The following ARHGEF28 variants were observed in gnomAD, a reference collection of about 807,000 sequenced individuals.
ARHGEF28 encodes 190 kDa guanine nucleotide exchange factor.
ARHGEF28 carries 152 observed loss-of-function variants against 206.6 expected under a neutral mutation model. The ratio of observed to expected loss-of-function variants is 0.74; its 90% confidence interval spans 0.64 to 0.84. The LOEUF (loss-of-function observed/expected upper bound fraction) is 0.84. Among genes scored for constraint, ARHGEF28 ranks in the 40% least tolerant of loss-of-function variants. The probability of loss-of-function intolerance (pLI) is 0.00; values close to 1 mark genes in which losing one functional copy is unlikely to be tolerated. For missense variants in ARHGEF28, 2,028 were observed against 2,073.2 expected, an observed-to-expected ratio of 0.98 and a Z score of 0.42; for synonymous variants, 763 against 776.4, an observed-to-expected ratio of 0.98 and a Z score of 0.29.
At chr5:73,688,820 A>AT (rs753116548) in intron 2 of ARHGEF28, among the ~76,000 whole-genome samples, 4 of 151,954 alleles carry the variant, frequency 2.6e-5, no homozygotes, top group African/African-American at 4.8e-5. Context: ...CGTTCAGCTA[A>AT]TTTTTTTGTA....
At position 73,846,307 on chromosome 5, in the gene ARHGEF28, A is replaced by T; in HGVS notation, c.1467A>T (p.Glu489Asp). 6.2e-7 allele frequency: 1 copy of T among 1,613,772 alleles called. No homozygotes were observed. The highest frequency in any genetic ancestry group is 8.5e-7 in the Non-Finnish European group (1 of 1,179,734). Residue 489 changes from glutamate to aspartate, a missense_variant, in exon 12 of 36, where the codon GAA becomes GAT. Around this residue, in one of 3 missense-constraint regions of ARHGEF28, gnomAD observed 1,002 missense variants for 1,015.3 expected, o/e 0.99. Coordinates refer to ENST00000513042, the MANE Select transcript of ARHGEF28 (RefSeq NM_001177693.2). ...CCTTGGACGCCGACAGTGAAGGGGA[A>T]GGGCATTCTGAGCCATCCCACATCT... is the stretch of plus-strand genomic sequence containing the variant. The part of the protein sequence containing the change: ...LDALDADSEG[E>D]GHSEPSHICY...
intron 2 of ARHGEF28, among the ~76,000 whole-genome samples, chr5:73,720,498 G>A (rs995955938): frequency 9.2e-5 from 14 of 152,122 alleles, no homozygotes. Flanking sequence ...TTGATCCAGG[G>A]ATTTCAGAGG....
At chr5:73,715,917 G>A (rs576962285) in intron 2 of ARHGEF28, among the ~76,000 whole-genome samples, 38 of 152,294 alleles carry the variant, frequency 2.5e-4, no homozygotes, top group African/African-American at 8.4e-4. Flanking sequence ...TGTGCTAATC[G>A]GAGTTCCATC....
At chr5:73,835,469 CA>C (rs35411118) in intron 10 of ARHGEF28, among the ~76,000 whole-genome samples, 1,370 of 102,512 alleles carry the variant, frequency 0.013, 17 homozygotes, top group African/African-American at 0.043. Context: ...GACTCTGTCT[CA>C]AAAAAAAAAA....
intron 27 of ARHGEF28, 70 bp from the exon 28 acceptor site, chr5:73,893,127 G>T: frequency 7.8e-7 from 1 of 1,278,338 alleles, no homozygotes; most frequent in Non-Finnish European, 1.0e-6. Context: ...AAGTTCCCAT[G>T]TTTTTCTAAT....
At chr5:73,754,251 A>G (rs1001257465) in intron 4 of ARHGEF28, among the ~76,000 whole-genome samples, 4 of 152,196 alleles carry the variant, frequency 2.6e-5, no homozygotes, top group Admixed American at 6.5e-5. Context: ...TTATAAAGCC[A>G]TAAGTCACAA....
At position 73,909,141 on chromosome 5, in the gene ARHGEF28, A is replaced by G. The variant is rs370079238; in HGVS notation, c.4162-271A>G. 8 of 321,696 alleles carry G rather than the reference A, an allele frequency of 2.5e-5. No individual in the cohort carries two copies. In the South Asian group the frequency reaches 8.3e-4, roughly 33 times the overall value. 19.9% of individuals were successfully genotyped at this position (321,696 alleles called of 1,614,324 possible). ...ACTATCACCCAACCACCAGCAGCAA[A>G]CTACCTTCCCACAGGAGAGGATGAT... On this transcript the variant is annotated intron_variant, in intron 33 of 35. Coordinates refer to ENST00000513042, the MANE Select transcript of ARHGEF28 (RefSeq NM_001177693.2).
chr5:73,656,373 A>G (rs1398013958), intron 1 of ARHGEF28, among the ~76,000 whole-genome samples: 3 of 152,156 alleles, frequency 2.0e-5, no homozygotes, highest in African/African-American at 7.2e-5. Flanking sequence ...TCCTTTCCCA[A>G]ATCTGTACCA....
At chr5:73,652,635 C>T (rs959326552) in intron 1 of ARHGEF28, among the ~76,000 whole-genome samples, 2 of 152,174 alleles carry the variant, frequency 1.3e-5, no homozygotes, top group African/African-American at 4.8e-5. Context: ...ACTGGAAATT[C>T]AAAGGTGGTG....
intron 25 of ARHGEF28, 105 bp from the exon 26 acceptor site, chr5:73,887,498 T>A (rs1761374246): frequency 3.5e-6 from 3 of 867,472 alleles, no homozygotes; most frequent in Non-Finnish European, 5.2e-6. Flanking sequence ...CAGGTATTTT[T>A]ATAAAACTTT....
intron 29 of ARHGEF28, among the ~76,000 whole-genome samples, chr5:73,896,822 C>T (rs1287844126): frequency 6.6e-6 from 1 of 152,190 alleles, no homozygotes; most frequent in African/African-American, 2.4e-5. Context: ...GTTGTACGCC[C>T]ATCTGCTTCC....
At position 73,806,767 on chromosome 5, in the gene ARHGEF28, A is replaced by C. The variant is rs1046527285; in HGVS notation, c.1024+11376A>C. Among the ~76,000 whole-genome samples the C allele has an allele frequency of 1.5e-5, 2 of 130,972 alleles. 1 individual carries two copies. Among genetic ancestry groups the C allele is most frequent in the Non-Finnish European group, 3.3e-5 (2 of 59,972 alleles). The allele number at this position is 130,972 out of a possible 152,430, so 85.9% of individuals were successfully genotyped here. On this transcript the variant is annotated intron_variant, in intron 9 of 35. Transcript: ENST00000513042. ...ACCATATATACGATATATCGTATAC[A>C]TCTATATGTGCCATATATATGATAT...
chr5:73,702,208 G>A (rs1748646395), intron 2 of ARHGEF28, among the ~76,000 whole-genome samples: 1 of 152,164 alleles, frequency 6.6e-6, no homozygotes, highest in African/African-American at 2.4e-5. Context: ...TCTGATAGGT[G>A]TATAGTGATG....
chr5:73,868,150 G>A lies in ARHGEF28; in HGVS notation c.2348G>A (p.Cys783Tyr). 1 of 1,607,638 alleles carries A rather than the reference G, an allele frequency of 6.2e-7. No homozygotes were observed. Among genetic ancestry groups the A allele is most frequent in the Non-Finnish European group, 8.5e-7 (1 of 1,176,864 alleles). ...GAGTCTGAGAGTGACCATAACAGCTGCAGAAGCAGGTCTCATTCTGATGAG... is the reference window on the plus strand; with the variant it reads ...GAGTCTGAGAGTGACCATAACAGCTACAGAAGCAGGTCTCATTCTGATGAG... ...SLESESDHNS[C>Y]RSRSHSDELL... is the part of the protein sequence containing the mutation. The change falls in exon 20 of 36, where the codon TGC becomes TAC. Residue 783 changes from cysteine to tyrosine, a missense_variant. Physicochemically the swap from Cys to Tyr is radical, Grantham distance 194 (BLOSUM62 -2). Around this residue, in one of 3 missense-constraint regions of ARHGEF28, gnomAD observed 1,002 missense variants for 1,015.3 expected, o/e 0.99. Coordinates refer to ENST00000513042, the MANE Select transcript of ARHGEF28 (RefSeq NM_001177693.2).
intron 35 of ARHGEF28, among the ~76,000 whole-genome samples, chr5:73,919,695 G>A (rs1022511162): frequency 2.0e-5 from 3 of 152,184 alleles, no homozygotes; most frequent in Non-Finnish European, 4.4e-5. Context: ...GAATATTCTA[G>A]TGTAAACTAT....
At chr5:73,655,149 A>C (rs1372982354) in intron 1 of ARHGEF28, among the ~76,000 whole-genome samples, 1 of 152,246 alleles carries the variant, frequency 6.6e-6, no homozygotes, top group Non-Finnish European at 1.5e-5. Flanking sequence ...AGCTCTTTTC[A>C]TGGACAGCTT....
At chr5:73,689,766 GAA>G (rs1195556843) in intron 2 of ARHGEF28, among the ~76,000 whole-genome samples, 2 of 134,852 alleles carry the variant, frequency 1.5e-5, no homozygotes, top group East Asian at 4.0e-4. Flanking sequence ...ATTCCAAGGA[GAA>G]AAAGAAAAAA....
intron 33 of ARHGEF28, among the ~76,000 whole-genome samples, chr5:73,906,452 C>T (rs1041349051): frequency 6.6e-6 from 1 of 152,192 alleles, no homozygotes; most frequent in African/African-American, 2.4e-5. Flanking sequence ...AACTCCTGGG[C>T]TCAAAGTGAT....
At chr5:73,747,218 G>C (rs1751766084) in intron 2 of ARHGEF28, among the ~76,000 whole-genome samples, 1 of 152,090 alleles carries the variant, frequency 6.6e-6, no homozygotes, top group African/African-American at 2.4e-5. Context: ...GTTTTCAATT[G>C]CCTGAAACAA....
Sources: allele counts gnomAD v4.1 joint callset (sites outside exome capture counted in the v4.1 genomes callset), GRCh38; gene constraint gnomAD v4.1.1; regional missense constraint gnomAD v4.1.1; transcripts MANE v1.5; gene names NCBI Gene and HGNC (gene_info 2026-07-23, HGNC 2026-07-21).